PDIK1L: variants seen among roughly 807,000 people sequenced by gnomAD.
PDIK1L encodes the protein PDLIM1 interacting kinase 1 like.
A neutral mutation model predicts 27.1 loss-of-function variants in PDIK1L; 9 were observed. The ratio of observed to expected loss-of-function variants is 0.33; its 90% CI spans 0.20 to 0.58. The LOEUF (loss-of-function observed/expected upper bound fraction) is 0.58. Ranked by LOEUF, PDIK1L falls within the 20% of genes least tolerant of loss-of-function variation. PDIK1L has a pLI of 0.86. For missense variants in PDIK1L, 216 were observed against 413.2 expected (o/e 0.52, Z 4.14); for synonymous variants, 130 against 141.7 (o/e 0.92, Z 0.59).
chr1:26,114,108 C>T lies in PDIK1L; in HGVS notation c.-17-184C>T. Among the ~76,000 whole-genome samples, 1 of 152,172 alleles carries T rather than the reference C, an allele frequency of 6.6e-6. No homozygotes were observed. The highest frequency in any genetic ancestry group is 1.9e-4 in the East Asian group (1 of 5,202). ...AAAGAGCTTAAAACAGTTCCTGATA[C>T]ATGGTAAATACTACCTGTTAGCTTT... On this transcript the variant is annotated intron_variant, in intron 1 of 2. Transcript: ENST00000374269. The surrounding 1 kb of genome is among the most constrained non-coding windows in gnomAD (Gnocchi z 4.8).
At position 26,124,883 on chromosome 1, in the gene PDIK1L, A is replaced by G. The variant is rs1040960734; in HGVS notation, c.*2306A>G. The G allele has an allele frequency of 5.3e-5, 8 of 152,312 alleles. No individual in the cohort carries two copies. Among genetic ancestry groups the G allele is most frequent in the African/African-American group, 1.7e-4 (7 of 41,462 alleles). 9.4% of individuals were successfully genotyped at this position (152,312 alleles called of 1,614,324 possible). ...ATGGCATTTAGCCAAAGGCCTTTTC[A>G]GCCAGGAGTAAGAAAAGATGGTTAG... On this transcript the variant is annotated 3_prime_UTR_variant, in exon 3 of 3. Coordinates refer to ENST00000374269, the MANE Select transcript of PDIK1L (RefSeq NM_152835.5).
At chr1:26,116,217 A>C (rs1259347773) in intron 2 of PDIK1L, among the ~76,000 whole-genome samples, 2 of 147,406 alleles carry the variant, frequency 1.4e-5, no homozygotes, top group African/African-American at 2.5e-5. Context: ...AAAAAAAAAA[A>C]CTCTGCTTTT....
intron 2 of PDIK1L, among the ~76,000 whole-genome samples, chr1:26,115,743 C>T (rs1018766904): frequency 6.6e-6 from 1 of 151,414 alleles, no homozygotes; most frequent in African/African-American, 2.4e-5. Context: ...CGGAGCTTGC[C>T]GTGAGCCGAG....
chr1:26,122,468 AACTG>A lies in PDIK1L; in HGVS notation c.919_922del (p.Ile308ArgfsTer17). 6.2e-7 allele frequency: 1 copy of A among 1,614,156 alleles called. No individual in the cohort carries two copies. The highest frequency in any genetic ancestry group is 8.5e-7 in the Non-Finnish European group (1 of 1,180,020). On this transcript the variant is annotated frameshift_variant, in exon 3 of 3. Coordinates refer to ENST00000374269, the MANE Select transcript of PDIK1L (RefSeq NM_152835.5). LOFTEE classifies it high-confidence loss of function. This position sits in a 1 kb window ranked among gnomAD's most constrained non-coding sequence, Gnocchi z 5.4. ...AAATCTATGAATGGGCGAATGAAAC[AACTG>A]ATTAAGGAAATGCTGGCTGCAAACC...
chr1:26,112,567 G>A (rs762261631), intron 1 of PDIK1L: 1 of 152,308 alleles, frequency 6.6e-6, no homozygotes, highest in African/African-American at 2.4e-5. Context: ...CCGTAGAGCA[G>A]GAAAGCTCGT....
intron 1 of PDIK1L, among the ~76,000 whole-genome samples, chr1:26,113,497 C>CT: frequency 1.2e-5 from 1 of 85,662 alleles, no homozygotes; most frequent in African/African-American, 4.3e-5. Flanking sequence ...GAGACTCCGT[C>CT]TAAAAAAAAA....
At chr1:26,115,513 A>T (rs755234396) in intron 2 of PDIK1L, among the ~76,000 whole-genome samples, 2 of 152,246 alleles carry the variant, frequency 1.3e-5, no homozygotes, top group Non-Finnish European at 2.9e-5. Flanking sequence ...AAAGCTAGTC[A>T]TTCTTGGGCC....
intron 1 of PDIK1L, chr1:26,112,539 G>C (rs1204638426): frequency 6.6e-6 from 1 of 152,296 alleles, no homozygotes; most frequent in East Asian, 1.9e-4. Flanking sequence ...CACCTTGAGT[G>C]GATGTGATTG....
rs2088036056 is a variant in PDIK1L at position 26,123,984 on chromosome 1, G to A, written c.*1407G>A. On this transcript the variant is annotated 3_prime_UTR_variant, in exon 3 of 3. Coordinates refer to ENST00000374269, the MANE Select transcript of PDIK1L (RefSeq NM_152835.5). Reference sequence around the variant, plus strand: ...CCTAAAACAGAACATTAGCCTTTAAGGTTAAATAGACTTTACATTGTATCT... The same window carrying A: ...CCTAAAACAGAACATTAGCCTTTAAAGTTAAATAGACTTTACATTGTATCT... 1 of 152,554 alleles carries A rather than the reference G, an allele frequency of 6.6e-6. No homozygotes were observed. Among genetic ancestry groups the A allele is most frequent in the African/African-American group, 2.4e-5 (1 of 41,434 alleles). 9.5% of individuals were successfully genotyped at this position (152,554 alleles called of 1,614,324 possible).
intron 2 of PDIK1L, among the ~76,000 whole-genome samples, chr1:26,119,539 C>T (rs369946036): frequency 2.6e-5 from 4 of 151,848 alleles, no homozygotes; most frequent in East Asian, 3.9e-4. Flanking sequence ...ATACAAAGGT[C>T]GTGAAGCAAA....
chr1:26,114,631 C>A lies in PDIK1L; in HGVS notation c.285+38C>A. On this transcript the variant is annotated intron_variant, in intron 2 of 2. Transcript: ENST00000374269. This position sits in a 1 kb window ranked among gnomAD's most constrained non-coding sequence, Gnocchi z 4.8. ...GATTGGGAAATAGAAATGATTTGAA[C>A]ATGGCATTGGCCAGCAAGAAGAGGA... 6.3e-7 allele frequency: 1 copy of A among 1,594,540 alleles called. No individual in the cohort carries two copies. The highest frequency in any genetic ancestry group is 1.1e-5 in the South Asian group (1 of 89,624).
intron 2 of PDIK1L, among the ~76,000 whole-genome samples, chr1:26,117,813 T>G (rs2087905323): frequency 2.0e-5 from 3 of 152,014 alleles, no homozygotes; most frequent in Admixed American, 2.0e-4. Flanking sequence ...ATCCCGGCAC[T>G]TCGGGAGGCT....
chr1:26,114,693 G>C lies in PDIK1L; in HGVS notation c.285+100G>C, dbSNP rs2087851685. On this transcript the variant is annotated intron_variant, in intron 2 of 2. Transcript: ENST00000374269. This position sits in a 1 kb window ranked among gnomAD's most constrained non-coding sequence, Gnocchi z 4.8. ...AGACGAACGTTTCCCTTTAAATGCA[G>C]GTGTTTGTAGTTAGAAGTAGATAAG... The C allele has an allele frequency of 1.5e-5, 20 of 1,306,876 alleles. No individual in the cohort carries two copies. The highest frequency in any genetic ancestry group is 4.6e-5 in the Admixed American group (2 of 43,386). The allele number at this position is 1,306,876 out of a possible 1,614,324, so 81.0% of individuals were successfully genotyped here.
upstream of PDIK1L, chr1:26,111,703 C>G (rs2087796452): frequency 1.3e-5 from 2 of 151,582 alleles, no homozygotes; most frequent in Admixed American, 1.3e-4. This position sits in a 1 kb window ranked among gnomAD's most constrained non-coding sequence, Gnocchi z 4.0. Context: ...GGAGCGCCGG[C>G]CGCGCGCCTC....
chr1:26,122,550 A>G lies in PDIK1L; in HGVS notation c.999A>G (p.Ala333=), dbSNP rs958334487. ...TAGAACTCAGATTAGTACAAATTGC[A>G]TTTAAAGATAGCAGCTGGGAAACGT... ...FELELRLVQI[A]FKDSSWET The change falls in exon 3 of 3, where the codon GCA becomes GCG. Residue 333 remains alanine (A), a synonymous_variant. Transcript: ENST00000374269. The surrounding 1 kb of genome is among the most constrained non-coding windows in gnomAD (Gnocchi z 5.4). 5 of 1,605,800 alleles carry G rather than the reference A, an allele frequency of 3.1e-6. No individual in the cohort carries two copies. Among genetic ancestry groups the G allele is most frequent in the Non-Finnish European group, 4.3e-6 (5 of 1,175,284 alleles).
At chr1:26,117,748 CAAAAA>C (rs1275877222) in intron 2 of PDIK1L, among the ~76,000 whole-genome samples, 1 of 149,642 alleles carries the variant, frequency 6.7e-6, no homozygotes, top group East Asian at 2.0e-4. Flanking sequence ...ATCTCCAAAA[CAAAAA>C]CAAAAACAAA....
At chr1:26,113,453 T>C (rs534067124) in intron 1 of PDIK1L, among the ~76,000 whole-genome samples, 1 of 148,470 alleles carries the variant, frequency 6.7e-6, no homozygotes, top group East Asian at 2.0e-4. Flanking sequence ...GATCAAGTCA[T>C]TGCACTCCAG....
rs2088056343 is a variant in PDIK1L at position 26,125,153 on chromosome 1, G to T, written c.*2576G>T. On this transcript the variant is annotated 3_prime_UTR_variant, in exon 3 of 3. Coordinates refer to ENST00000374269, the MANE Select transcript of PDIK1L (RefSeq NM_152835.5). ...CAGTTAGTTCCTAGAATGTTATTTT[G>T]CACTAGTTGTCACTTAGAAAGATGG... is the stretch of plus-strand genomic sequence containing the variant. The T allele has an allele frequency of 1.3e-5, 2 of 152,564 alleles. No individual in the cohort carries two copies. Among genetic ancestry groups the T allele is most frequent in the Admixed American group, 1.3e-4 (2 of 15,278 alleles). The allele number at this position is 152,564 out of a possible 1,614,324, so 9.5% of individuals were successfully genotyped here. A position where few individuals can be genotyped will look rare whatever the true frequency, so the allele number is the denominator to read the frequency against.
intron 2 of PDIK1L, among the ~76,000 whole-genome samples, chr1:26,120,664 A>G (rs2087963527): frequency 6.6e-6 from 1 of 152,190 alleles, no homozygotes; most frequent in South Asian, 2.1e-4. Flanking sequence ...TTAAAAGACA[A>G]TATACGGGGC....
Sources: gnomAD v4.1 joint callset for allele counts (sites outside exome capture counted in the v4.1 genomes callset) on GRCh38, gnomAD v4.1.1 for gene constraint, Gnocchi (gnomAD v3.1) non-coding constraint, MANE v1.5 for transcripts, NCBI Gene and HGNC (gene_info 2026-07-23, HGNC 2026-07-21) for gene names.